Variants in MYLK4 observed in about 807,000 individuals in gnomAD.
The protein encoded by MYLK4 is caMLCK like.
In MYLK4, 46 loss-of-function variants were observed where a neutral mutation model predicts 48.1. That is an observed-to-expected ratio of 0.96 (90% confidence interval 0.75 to 1.22). The LOEUF is 1.22. MYLK4 is among the 50% of genes most tolerant of loss of function. The pLI is 0.00. For synonymous variants in MYLK4, 170 were observed against 180.8 expected, an observed-to-expected ratio of 0.94 and a Z score of 0.48; for missense variants, 451 against 486.1, an observed-to-expected ratio of 0.93 and a Z score of 0.68.
chr6:2,765,792 C>T, the MYLK4 span: 1 of 1,416,964 alleles, frequency 7.1e-7, no homozygotes, highest in Non-Finnish European at 9.2e-7. Context: ...TCGCACCGCG[C>T]CGGGGAGCGG....
At chr6:2,715,256 G>A (rs1385246914) in intron 2 of MYLK4, among the ~76,000 whole-genome samples, 6 of 26,068 alleles carry the variant, frequency 2.3e-4, no homozygotes, top group South Asian at 2.7e-3. Context: ...GCAAGACTCC[G>A]TTTCAAAAAA....
At chr6:2,752,337 A>T (rs1764313531), upstream of MYLK4, among the ~76,000 whole-genome samples, 1 of 152,092 alleles carries the variant, frequency 6.6e-6, no homozygotes, top group Non-Finnish European at 1.5e-5. Context: ...TGTCACAATT[A>T]ATGAACCATG....
At chr6:2,768,644 C>G in the MYLK4 span, 1 of 1,523,702 alleles carries the variant, frequency 6.6e-7, no homozygotes, top group Non-Finnish European at 8.8e-7. Context: ...GCTGGTCTCT[C>G]TGTGTCTTAC....
At chr6:2,726,078 C>T (rs1318856126) in intron 2 of MYLK4, among the ~76,000 whole-genome samples, 1 of 152,162 alleles carries the variant, frequency 6.6e-6, no homozygotes. Context: ...AGCGCTGAGT[C>T]GTCCCTTTGT....
At chr6:2,720,505 A>T (rs1392941016) in intron 2 of MYLK4, among the ~76,000 whole-genome samples, 1 of 152,210 alleles carries the variant, frequency 6.6e-6, no homozygotes, top group Non-Finnish European at 1.5e-5. Context: ...TTACTCATTG[A>T]TATTAGGCTA....
chr6:2,711,983 T>C (rs745216), intron 2 of MYLK4, among the ~76,000 whole-genome samples: 66,840 of 152,040 alleles, frequency 0.44, 15,734 homozygotes, highest in East Asian at 0.57. Flanking sequence ...TTATACATTA[T>C]GCAGGTAAAT....
chr6:2,704,912 T>C lies in MYLK4; in HGVS notation c.160-12053A>G, dbSNP rs141981549. ...CAATTATACATCATATCCATCACTC[T>C]AATGTCCCCTCAGCTTTAAAGTTCT... is the stretch of plus-strand genomic sequence containing the variant. On this transcript the variant is annotated intron_variant, in intron 2 of 12. Coordinates refer to ENST00000274643, the MANE Select transcript of MYLK4 (RefSeq NM_001012418.5). Among the ~76,000 whole-genome samples, 992 of 152,358 alleles carry C rather than the reference T, an allele frequency of 6.5e-3. 9 individuals carry two copies. Among genetic ancestry groups the C allele is most frequent in the African/African-American group, 0.023 (942 of 41,588 alleles).
chr6:2,691,831 G>A (rs928391235), intron 3 of MYLK4, among the ~76,000 whole-genome samples: 1 of 152,142 alleles, frequency 6.6e-6, no homozygotes, highest in African/African-American at 2.4e-5. Context: ...TAGAAAATGT[G>A]GCCATGAAAA....
Position 2,725,593 on chromosome 6 carries a change from A to AAAAGAAAG in MYLK4, c.159+23542_159+23543insCTTTCTTT, listed in dbSNP as rs1561868193. Reference sequence around the variant, plus strand: ...AAAGAAAGAAAAAGAAAGAGAAAGAAAGAAAGAAAGAAACAAACAAACAAA... The same window carrying AAAAGAAAG: ...AAAGAAAGAAAAAGAAAGAGAAAGAAAAAGAAAGAGAAAGAAAGAAACAAACAAACAAA... On this transcript the variant is annotated intron_variant, in intron 2 of 12. Transcript: ENST00000274643. Among the ~76,000 whole-genome samples the AAAAGAAAG allele has an allele frequency of 6.7e-4, 96 of 143,612 alleles. 1 individual carries two copies. The highest frequency in any genetic ancestry group is 2.5e-3 in the African/African-American group (90 of 36,664). 94.2% of individuals were successfully genotyped at this position (143,612 alleles called of 152,430 possible). A position where few individuals can be genotyped will look rare whatever the true frequency, so the allele number is the denominator to read the frequency against.
chr6:2,694,220 A>G (rs959252345), intron 2 of MYLK4, among the ~76,000 whole-genome samples: 5 of 152,080 alleles, frequency 3.3e-5, no homozygotes, highest in Non-Finnish European at 7.4e-5. Context: ...GAAAGTCCAG[A>G]GACGGCACTT....
At chr6:2,692,725 A>T in intron 3 of MYLK4, 59 bp downstream of exon 3, 1 of 1,486,198 alleles carries the variant, frequency 6.7e-7, no homozygotes, top group Non-Finnish European at 9.3e-7. Flanking sequence ...GAATAACAAC[A>T]GGACTTTTAT....
At chr6:2,690,823 C>CTTTTTTTTTTTTTTTTTT (rs35133716) in intron 3 of MYLK4, among the ~76,000 whole-genome samples, 1 of 88,834 alleles carries the variant, frequency 1.1e-5, no homozygotes, top group Non-Finnish European at 2.1e-5. Flanking sequence ...CTCTCTGAAT[C>CTTTTTTTTTTTTTTTTTT]TTTTTTTTTT....
chr6:2,742,319 T>C (rs1019340932), intron 2 of MYLK4, among the ~76,000 whole-genome samples: 5 of 152,182 alleles, frequency 3.3e-5, no homozygotes, highest in African/African-American at 7.2e-5. Flanking sequence ...GGTGGCTTCT[T>C]GTTGAATAAG....
At chr6:2,764,009 G>A in the MYLK4 span, among the ~76,000 whole-genome samples, 23 of 152,182 alleles carry the variant, frequency 1.5e-4, no homozygotes, top group African/African-American at 5.5e-4. Context: ...GCGGACGCCC[G>A]TAATTCCAGC....
the MYLK4 span, chr6:2,765,717 T>G: frequency 6.5e-7 from 1 of 1,542,992 alleles, no homozygotes; most frequent in Non-Finnish European, 8.7e-7. Context: ...GCCGCGCACA[T>G]CAACTCGCAC....
At chr6:2,765,943 CCG>C in the MYLK4 span, 1 of 1,443,530 alleles carries the variant, frequency 6.9e-7, no homozygotes. Context: ...AGACCGAGAG[CCG>C]CGAGAGCTAC....
chr6:2,730,047 C>T lies in MYLK4; in HGVS notation c.159+19089G>A, dbSNP rs575584144. 1.2e-4 allele frequency among the ~76,000 whole-genome samples: 18 copies of T among 152,278 alleles called. No individual in the cohort carries two copies. The Middle Eastern group carries it at 0.014, about 115-fold the overall frequency. ...TCTTTCAGATAAAATGTCAGTGGTTCGACAATAATGAATGGACAGGTAGCT... is the reference window on the plus strand; with the variant it reads ...TCTTTCAGATAAAATGTCAGTGGTTTGACAATAATGAATGGACAGGTAGCT... On this transcript the variant is annotated intron_variant, in intron 2 of 12. Coordinates refer to ENST00000274643, the MANE Select transcript of MYLK4 (RefSeq NM_001012418.5).
the MYLK4 span, among the ~76,000 whole-genome samples, chr6:2,764,157 CT>C: frequency 6.6e-6 from 1 of 152,142 alleles, no homozygotes; most frequent in African/African-American, 2.4e-5. Flanking sequence ...TCACGATCCT[CT>C]TTTGGTAGTT....
chr6:2,753,021 T>C (rs552615705), upstream of MYLK4, among the ~76,000 whole-genome samples: 1 of 152,312 alleles, frequency 6.6e-6, no homozygotes, highest in East Asian at 1.9e-4. Context: ...CATAAAATGT[T>C]CTGCATGCTT....
Sources: gnomAD v4.1 joint callset for allele counts (sites outside exome capture counted in the v4.1 genomes callset) on GRCh38, gnomAD v4.1.1 for gene constraint, MANE v1.5 for transcripts, NCBI Gene and HGNC (gene_info 2026-07-23, HGNC 2026-07-21) for gene names.